The following NTRK2 variants were observed in gnomAD, a reference collection of about 807,000 sequenced individuals.
NTRK2 encodes BDNF/NT-3 growth factors receptor.
In NTRK2, 13 loss-of-function variants were observed where a neutral mutation model predicts 94.5. That is an observed-to-expected ratio of 0.14 (90% CI 0.09 to 0.22). The LOEUF (loss-of-function observed/expected upper bound fraction) is 0.22. Ranked by LOEUF, NTRK2 falls within the 10% of genes least tolerant of loss-of-function variation. The pLI is 1.00. For synonymous variants in NTRK2, 372 were observed against 407.4 expected (o/e 0.91, Z 1.05); for missense variants, 639 against 1,071.2 (o/e 0.60, Z 5.63).
At chr9:84,882,113 G>T (rs1279860984) in intron 14 of NTRK2, among the ~76,000 whole-genome samples, 1 of 152,046 alleles carries the variant, frequency 6.6e-6, no homozygotes, top group Non-Finnish European at 1.5e-5. Flanking sequence ...CCAAACCCTA[G>T]CATCGGCTTT....
intron 5 of NTRK2, 146 bp from the exon 6 acceptor site, chr9:84,710,491 A>C (rs116685975): frequency 1.2e-6 from 1 of 802,950 alleles, no homozygotes; most frequent in African/African-American, 1.7e-5. Context: ...ATGAAGGAAT[A>C]ATAAGTACTG....
intron 2 of NTRK2, among the ~76,000 whole-genome samples, chr9:84,688,683 A>T (rs2059865371): frequency 6.6e-6 from 1 of 152,160 alleles, no homozygotes; most frequent in Admixed American, 6.5e-5. Flanking sequence ...ATGTTTCAAG[A>T]ATCAGCTAAT....
intron 2 of NTRK2, among the ~76,000 whole-genome samples, chr9:84,679,864 A>G (rs1564032339): frequency 6.6e-6 from 1 of 152,208 alleles, no homozygotes; most frequent in Non-Finnish European, 1.5e-5. Flanking sequence ...GCTTCCTGCC[A>G]TCCTGGGTGA....
At chr9:84,928,275 A>T (rs2077892884) in intron 14 of NTRK2, among the ~76,000 whole-genome samples, 1 of 152,242 alleles carries the variant, frequency 6.6e-6, no homozygotes, top group African/African-American at 2.4e-5. Flanking sequence ...CTGCTAATAC[A>T]TGAAGATATT....
Position 84,865,661 on chromosome 9 carries a change from C to T in NTRK2, c.1445-1582C>T, listed in dbSNP as rs74944986. ...GGTTGGAAGAAAGCACATTTCCTTG[C>T]GTAGGAAGTAGCAATTCAGACATTT... On this transcript the variant is annotated intron_variant, in intron 13 of 18. Transcript: ENST00000277120. 5.5e-3 allele frequency among the ~76,000 whole-genome samples: 837 copies of T among 152,288 alleles called. 2 individuals carry two copies. The highest frequency in any genetic ancestry group is 6.7e-3 in the Non-Finnish European group (459 of 68,016).
At chr9:84,991,962 C>A (rs1286937144) in intron 17 of NTRK2, among the ~76,000 whole-genome samples, 1 of 152,126 alleles carries the variant, frequency 6.6e-6, no homozygotes, top group Non-Finnish European at 1.5e-5. Flanking sequence ...ACAACCAGTG[C>A]CTCCTCCTCC....
intron 17 of NTRK2, among the ~76,000 whole-genome samples, chr9:84,965,006 T>G (rs1158727653): frequency 1.3e-5 from 2 of 152,222 alleles, no homozygotes; most frequent in East Asian, 1.9e-4. Flanking sequence ...TTTCTACAAT[T>G]AAAGTTTCCC....
intron 17 of NTRK2, among the ~76,000 whole-genome samples, chr9:84,994,097 G>A (rs983626008): frequency 2.6e-5 from 4 of 151,938 alleles, no homozygotes; most frequent in Non-Finnish European, 4.4e-5. Flanking sequence ...ACTTCCAAGC[G>A]CAACATGGAG....
intron 12 of NTRK2, among the ~76,000 whole-genome samples, chr9:84,781,038 C>T (rs1336918387): frequency 6.6e-6 from 1 of 152,064 alleles, no homozygotes; most frequent in African/African-American, 2.4e-5. Flanking sequence ...AAAAGACTGT[C>T]AGGGTTCAGG....
chr9:84,904,502 T>C (rs941054236), intron 14 of NTRK2, among the ~76,000 whole-genome samples: 1 of 152,366 alleles, frequency 6.6e-6, no homozygotes, highest in East Asian at 1.9e-4. Flanking sequence ...AAAAATGTAG[T>C]TGAGAAAATG....
At chr9:84,865,882 C>T (rs1049069968) in intron 13 of NTRK2, among the ~76,000 whole-genome samples, 18 of 152,188 alleles carry the variant, frequency 1.2e-4, no homozygotes, top group East Asian at 1.9e-4. Flanking sequence ...CTGCCGTCTT[C>T]GTTGGTTTGA....
At chr9:84,894,448 T>C (rs1034718915) in intron 14 of NTRK2, among the ~76,000 whole-genome samples, 9 of 152,146 alleles carry the variant, frequency 5.9e-5, no homozygotes, top group Non-Finnish European at 1.3e-4. Context: ...TCCCAACTTT[T>C]TGTTCTGTCT....
At chr9:84,815,397 G>C (rs543678774) in intron 12 of NTRK2, 3 of 1,043,124 alleles carry the variant, frequency 2.9e-6, no homozygotes, top group East Asian at 1.1e-4. Flanking sequence ...TATGAATTGA[G>C]TATAAACACA....
At chr9:84,898,632 G>A (rs979604086) in intron 14 of NTRK2, among the ~76,000 whole-genome samples, 10 of 151,984 alleles carry the variant, frequency 6.6e-5, no homozygotes, top group African/African-American at 2.4e-4. Context: ...TAGACAGCTG[G>A]CAAATGGAGG....
chr9:84,981,453 T>G (rs1827608089), intron 17 of NTRK2, among the ~76,000 whole-genome samples: 1 of 152,162 alleles, frequency 6.6e-6, no homozygotes, highest in South Asian at 2.1e-4. Context: ...AGTGAATAAT[T>G]CCTTAAAGTA....
chr9:84,991,716 A>G (rs957672770), intron 17 of NTRK2, among the ~76,000 whole-genome samples: 5 of 152,136 alleles, frequency 3.3e-5, no homozygotes, highest in Non-Finnish European at 7.4e-5. Flanking sequence ...TTGTGGTGGT[A>G]GGAGGGAGGG....
intron 17 of NTRK2, among the ~76,000 whole-genome samples, chr9:84,994,701 C>G (rs1829527753): frequency 6.6e-6 from 1 of 152,194 alleles, no homozygotes; most frequent in Non-Finnish European, 1.5e-5. Context: ...TTTTTTCCCC[C>G]TGTTCTCTAA....
chr9:84,985,016 C>G (rs1397086720), intron 17 of NTRK2, among the ~76,000 whole-genome samples: 1 of 152,138 alleles, frequency 6.6e-6, no homozygotes, highest in Non-Finnish European at 1.5e-5. Context: ...ATAGAAATGC[C>G]TTTGATTAAG....
intron 2 of NTRK2, among the ~76,000 whole-genome samples, chr9:84,673,329 C>T (rs189332681): frequency 1.4e-3 from 219 of 152,210 alleles, no homozygotes; most frequent in Non-Finnish European, 2.5e-3. Context: ...TTAATATTTG[C>T]TTGCACAGCT....
Sources: gnomAD v4.1 joint callset for allele counts (sites outside exome capture counted in the v4.1 genomes callset) on GRCh38, gnomAD v4.1.1 for gene constraint, MANE v1.5 for transcripts, NCBI Gene and HGNC (gene_info 2026-07-23, HGNC 2026-07-21) for gene names.